EVC2: variants seen among roughly 807,000 people sequenced by gnomAD.
EVC2 encodes the protein EvC ciliary complex subunit 2.
In EVC2, 148 loss-of-function variants were observed where a neutral mutation model predicts 149.3. That is an observed-to-expected ratio of 0.99 (90% CI 0.87 to 1.14). EVC2 has a LOEUF of 1.14. Ranked by LOEUF, EVC2 falls within the 50% of genes most tolerant of loss-of-function variation. The pLI, the probability that EVC2 is intolerant of heterozygous loss-of-function variation, is 0.00. For missense variants in EVC2, 1,854 were observed against 1,627.3 expected, an observed-to-expected ratio of 1.14 and a Z score of -2.40; for synonymous variants, 776 against 649.9, an observed-to-expected ratio of 1.19 and a Z score of -2.95.
In EVC2 at chr4:5,554,154, A is replaced by G. The variant is rs570121185; in HGVS notation, c.3420-10942T>C. Reference sequence around the variant, plus strand: ...GTGCTCTCACTCATAGGACAAGGAAAAAGTTGAGAAAACTGAAAATCAGTG... The same window carrying G: ...GTGCTCTCACTCATAGGACAAGGAAGAAGTTGAGAAAACTGAAAATCAGTG... On this transcript the variant is annotated intron_variant and NMD_transcript_variant, in intron 21 of 22. Transcript: ENST00000475313. 2.0e-5 allele frequency among the ~76,000 whole-genome samples: 3 copies of G among 152,318 alleles called. No homozygotes were observed. The South Asian group carries it at 6.2e-4, about 32-fold the overall frequency.
rs1265598091 is a variant in EVC2 at position 5,643,561 on chromosome 4, C to G, written c.1146-2723G>C. ...CTCATGTCAATTTAATTCTTGGGCCCAGCTGGGGCCCCTAAGAGGGCAGAG... is the reference window on the plus strand; with the variant it reads ...CTCATGTCAATTTAATTCTTGGGCCGAGCTGGGGCCCCTAAGAGGGCAGAG... On this transcript the variant is annotated intron_variant, in intron 9 of 21. Coordinates refer to ENST00000344408, the MANE Select transcript of EVC2 (RefSeq NM_147127.5). Among the ~76,000 whole-genome samples, 2 of 152,160 alleles carry G rather than the reference C, an allele frequency of 1.3e-5. 1 individual carries two copies. The highest frequency in any genetic ancestry group is 4.1e-4 in the South Asian group (2 of 4,824).
intron 17 of EVC2, among the ~76,000 whole-genome samples, chr4:5,580,217 A>T (rs1017795218): frequency 3.9e-5 from 6 of 152,250 alleles, no homozygotes; most frequent in African/African-American, 1.4e-4. Flanking sequence ...CAAATTGCAG[A>T]ATGCAAGTCT....
intron 16 of EVC2, among the ~76,000 whole-genome samples, chr4:5,596,695 C>T (rs767971059): frequency 5.4e-4 from 82 of 152,034 alleles, no homozygotes; most frequent in Non-Finnish European, 1.0e-3. Context: ...CAAAAGCTAG[C>T]AGAAGGCAAG....
chr4:5,611,750 TA>T (rs149339385), intron 16 of EVC2, among the ~76,000 whole-genome samples: 5,763 of 152,008 alleles, frequency 0.038, 333 homozygotes, highest in African/African-American at 0.13. Flanking sequence ...AGAGAAAATG[TA>T]AATGGTTGTG....
chr4:5,631,214 C>A (rs1042315582), intron 11 of EVC2, among the ~76,000 whole-genome samples: 4 of 152,136 alleles, frequency 2.6e-5, no homozygotes, highest in Non-Finnish European at 5.9e-5. Flanking sequence ...TCAATACATG[C>A]ACACATACAT....
Position 5,657,867 on chromosome 4 carries a change from A to G in EVC2, c.1145+5240T>C, listed in dbSNP as rs980320065. Among the ~76,000 whole-genome samples, 1 of 152,050 alleles carries G rather than the reference A, an allele frequency of 6.6e-6. No homozygotes were observed. The highest frequency in any genetic ancestry group is 1.5e-5 in the Non-Finnish European group (1 of 68,008). On this transcript the variant is annotated intron_variant, in intron 9 of 21. Coordinates refer to ENST00000344408, the MANE Select transcript of EVC2 (RefSeq NM_147127.5). The surrounding 1 kb of genome is among the most constrained non-coding windows in gnomAD (Gnocchi z 4.7). ...CCTCACTGGCTCTGATGACTCTTCA[A>G]TCTCTGTGCCCTCTACACCTCCCAC...
At chr4:5,678,714 C>T (rs1279590185) in intron 7 of EVC2, among the ~76,000 whole-genome samples, 2 of 152,136 alleles carry the variant, frequency 1.3e-5, no homozygotes, top group African/African-American at 4.8e-5. Context: ...GTAACTGTAA[C>T]ACGTACTAAG....
intron 21 of EVC2, among the ~76,000 whole-genome samples, chr4:5,552,218 A>AT (rs1050192333): frequency 7.6e-4 from 115 of 152,316 alleles, no homozygotes; most frequent in African/African-American, 2.6e-3. Flanking sequence ...TCTCCTTCTT[A>AT]TATGTATATA....
chr4:5,708,399 A>T lies in EVC2; in HGVS notation c.115T>A (p.Trp39Arg). The T allele has an allele frequency of 6.7e-7, 1 of 1,498,798 alleles. No homozygotes were observed. The highest frequency in any genetic ancestry group is 1.2e-5 in the South Asian group (1 of 80,134). 92.8% of individuals were successfully genotyped at this position (1,498,798 alleles called of 1,614,324 possible). The change falls in exon 1 of 22, where the codon TGG (tryptophan) becomes AGG (arginine). Residue 39 changes from tryptophan to arginine, a missense_variant. Coordinates refer to ENST00000344408, the MANE Select transcript of EVC2 (RefSeq NM_147127.5). ...GCLGASSRPR[W>R]RPLGAQPPRD... Reference sequence around the variant, plus strand: ...GGTGGCTGCGCGCCGAGGGGGCGCCAGCGGGGACGTGAGCTGGCGCCGAGA... The same window carrying T: ...GGTGGCTGCGCGCCGAGGGGGCGCCTGCGGGGACGTGAGCTGGCGCCGAGA...
chr4:5,705,118 A>G (rs1267980705), intron 1 of EVC2, among the ~76,000 whole-genome samples: 4 of 152,208 alleles, frequency 2.6e-5, no homozygotes, highest in Admixed American at 6.5e-5. Flanking sequence ...GTTCTTTTCT[A>G]CAAATCTGGG....
chr4:5,680,628 T>G (rs2151723310), intron 7 of EVC2, among the ~76,000 whole-genome samples: 1 of 152,352 alleles, frequency 6.6e-6, no homozygotes, highest in South Asian at 2.1e-4. Context: ...ATCACTTGAC[T>G]TTAATGTGCC....
Position 5,631,947 on chromosome 4 carries a change from T to C in EVC2, c.1556A>G (p.Glu519Gly), listed in dbSNP as rs1716569568. ...TCTGTGAGCTTTGGCAAAGTCTTCTTCTTGTTGCAAAGCGAGAGACTTCCT... is the reference window on the plus strand; with the variant it reads ...TCTGTGAGCTTTGGCAAAGTCTTCTCCTTGTTGCAAAGCGAGAGACTTCCT... ...HLRKSLALQQ[E>G]EDFAKAHRQL... Residue 519 changes from glutamate (E) to glycine (G), a missense_variant, in exon 11 of 22, where the codon GAA becomes GGA. Physicochemically the swap from Glu to Gly is moderately conservative, Grantham distance 98. Coordinates refer to ENST00000344408, the MANE Select transcript of EVC2 (RefSeq NM_147127.5). The C allele has an allele frequency of 6.2e-7, 1 of 1,614,184 alleles. No individual in the cohort carries two copies. The highest frequency in any genetic ancestry group is 8.5e-7 in the Non-Finnish European group (1 of 1,180,022).
At chr4:5,697,851 T>C (rs1168935097) in intron 1 of EVC2, among the ~76,000 whole-genome samples, 1 of 151,860 alleles carries the variant, frequency 6.6e-6, no homozygotes, top group Non-Finnish European at 1.5e-5. Flanking sequence ...GTTCACGCCA[T>C]TCTCCTGCCT....
At chr4:5,584,510 C>G (rs961013299) in intron 17 of EVC2, 113 bp downstream of exon 17, 7 of 1,107,454 alleles carry the variant, frequency 6.3e-6, no homozygotes, top group Non-Finnish European at 1.3e-6. Flanking sequence ...TCACCACAAC[C>G]CCACAGCACA....
downstream of EVC2, among the ~76,000 whole-genome samples, chr4:5,559,575 G>A (rs1204818639): frequency 6.6e-6 from 1 of 152,126 alleles, no homozygotes; most frequent in East Asian, 1.9e-4. This position sits in a 1 kb window ranked among gnomAD's most constrained non-coding sequence, Gnocchi z 5.0. Flanking sequence ...CTTTTATAAT[G>A]CTCACCTTTT....
chr4:5,683,313 A>T (rs745487321), intron 6 of EVC2, among the ~76,000 whole-genome samples: 1 of 152,190 alleles, frequency 6.6e-6, no homozygotes, highest in Non-Finnish European at 1.5e-5. Flanking sequence ...ACATTCTAGT[A>T]CATTCTGCTG....
At chr4:5,593,387 T>A (rs1288668430) in intron 16 of EVC2, among the ~76,000 whole-genome samples, 2 of 152,200 alleles carry the variant, frequency 1.3e-5, no homozygotes, top group Admixed American at 1.3e-4. Context: ...GTTTGAAAAC[T>A]TGCCTCAGTT....
intron 17 of EVC2, among the ~76,000 whole-genome samples, chr4:5,582,937 G>T (rs1285815900): frequency 2.0e-5 from 3 of 152,156 alleles, no homozygotes; most frequent in South Asian, 2.1e-4. Context: ...TACCATGATT[G>T]TAAGTTTCCT....
intron 19 of EVC2, among the ~76,000 whole-genome samples, chr4:5,570,688 T>C (rs1577102216): frequency 6.6e-6 from 1 of 152,134 alleles, no homozygotes; most frequent in Non-Finnish European, 1.5e-5. Flanking sequence ...AAAAGACACA[T>C]GGACATGCAT....
Sources: gnomAD v4.1 joint callset for allele counts (sites outside exome capture counted in the v4.1 genomes callset) on GRCh38, gnomAD v4.1.1 for gene constraint, Gnocchi (gnomAD v3.1) non-coding constraint, MANE v1.5 for transcripts, NCBI Gene and HGNC (gene_info 2026-07-23, HGNC 2026-07-21) for gene names.